RPE65: variants seen among roughly 807,000 people sequenced by gnomAD.
The protein encoded by RPE65 is retinoid isomerohydrolase.
Under a neutral mutation model 68.5 loss-of-function variants are expected in RPE65, and 58 were observed. The observed-to-expected ratio is 0.85, with a 90% CI of 0.69 to 1.05. The LOEUF is 1.05. Ranked by LOEUF, RPE65 falls within the 50% of genes least tolerant of loss-of-function variation. The pLI is 0.00. For synonymous variants in RPE65, 220 were observed against 222.2 expected (o/e 0.99, Z 0.09); for missense variants, 643 against 629.9 (o/e 1.02, Z -0.22).
intron 13 of RPE65, 66 bp downstream of exon 13, chr1:68,430,999 C>A: frequency 3.1e-6 from 4 of 1,283,816 alleles, no homozygotes; most frequent in Non-Finnish European, 4.5e-6. Flanking sequence ...TTACTCCTTT[C>A]CTAACGAACT....
chr1:68,430,658 A>C (rs1278686718), intron 13 of RPE65, among the ~76,000 whole-genome samples: 1 of 152,080 alleles, frequency 6.6e-6, no homozygotes, highest in African/African-American at 2.4e-5. Flanking sequence ...ACAAATGAAA[A>C]CTATTCACAG....
intron 10 of RPE65, among the ~76,000 whole-genome samples, chr1:68,433,764 A>T (rs1244456576): frequency 6.6e-6 from 1 of 152,066 alleles, no homozygotes; most frequent in Middle Eastern, 3.2e-3. Flanking sequence ...ATAAGCATGG[A>T]GGGGGTGGAG....
chr1:68,448,810 G>A, intron 1 of RPE65, 104 bp from the exon 2 acceptor site: 1 of 589,758 alleles, frequency 1.7e-6, no homozygotes, highest in Non-Finnish European at 2.9e-6. Flanking sequence ...CTGGCTCAAA[G>A]CCTGTTCACT....
chr1:68,446,605 G>C lies in RPE65; in HGVS notation c.245+105C>G, dbSNP rs577580683. Reference sequence around the variant, plus strand: ...CAGGTACATTGTGAGAAGAAAGTGGGTATATAGGTTGCCTCCTGAGTTCAG... The same window carrying C: ...CAGGTACATTGTGAGAAGAAAGTGGCTATATAGGTTGCCTCCTGAGTTCAG... On this transcript the variant is annotated intron_variant, in intron 3 of 13. Transcript: ENST00000262340. 3 of 1,299,024 alleles carry C rather than the reference G, an allele frequency of 2.3e-6. No homozygotes were observed. In the Admixed American group the frequency reaches 5.3e-5, roughly 23 times the overall value. The allele number at this position is 1,299,024 out of a possible 1,614,324, so 80.5% of individuals were successfully genotyped here. A position where few individuals can be genotyped will look rare whatever the true frequency, so the allele number is the denominator to read the frequency against.
At chr1:68,447,290 GAT>G (rs1459535345) in intron 2 of RPE65, among the ~76,000 whole-genome samples, 1 of 152,170 alleles carries the variant, frequency 6.6e-6, no homozygotes, top group African/African-American at 2.4e-5. Context: ...ATTTTAAAAA[GAT>G]GTGTCTATAG....
rs753257368 is a variant in RPE65, at chr1:68,440,838, G to A, written c.643+15C>T. The A allele has an allele frequency of 1.1e-5, 17 of 1,613,682 alleles. No homozygotes were observed. The highest frequency in any genetic ancestry group is 1.4e-5 in the Non-Finnish European group (16 of 1,179,728). ...AGACACTTATTTTCAGAAGAGGACA[G>A]ATTGGTAAACTCACCTGCTTGCAGT... is the stretch of plus-strand genomic sequence containing the variant. On this transcript the variant is annotated intron_variant, in intron 6 of 13. Coordinates refer to ENST00000262340, the MANE Select transcript of RPE65 (RefSeq NM_000329.3).
intron 3 of RPE65, 56 bp downstream of exon 3, chr1:68,446,654 G>T: frequency 6.2e-7 from 1 of 1,611,576 alleles, no homozygotes; most frequent in Non-Finnish European, 8.5e-7. Flanking sequence ...CATGGGAGGA[G>T]GAGCCAAGCT....
chr1:68,434,721 G>GTTTT (rs1645848765), intron 10 of RPE65, among the ~76,000 whole-genome samples: 2 of 135,986 alleles, frequency 1.5e-5, no homozygotes, highest in South Asian at 4.2e-4. Flanking sequence ...TAGATTTCCT[G>GTTTT]TTTGTTTGTT....
At chr1:68,434,177 A>T (rs1217982584) in intron 10 of RPE65, among the ~76,000 whole-genome samples, 1 of 151,640 alleles carries the variant, frequency 6.6e-6, no homozygotes, top group African/African-American at 2.4e-5. Flanking sequence ...ATAAAATGAG[A>T]TGAAAACTTA....
intron 13 of RPE65, among the ~76,000 whole-genome samples, chr1:68,430,729 A>G (rs1557595567): frequency 6.6e-6 from 1 of 151,998 alleles, no homozygotes; most frequent in East Asian, 1.9e-4. Context: ...TAGAATTGCT[A>G]TTTTTTTAGA....
intron 5 of RPE65, 44 bp from the exon 6 acceptor site, chr1:68,441,044 T>C (rs767645673): frequency 2.5e-6 from 4 of 1,609,192 alleles, no homozygotes; most frequent in East Asian, 2.2e-5. Flanking sequence ...AGAAGGAAGA[T>C]ACATTATACC....
intron 1 of RPE65, 141 bp downstream of exon 1, chr1:68,449,753 AG>A: frequency 1.1e-6 from 1 of 924,094 alleles, no homozygotes; most frequent in Middle Eastern, 3.0e-4. Flanking sequence ...ATACATAAGC[AG>A]GAAAAAATTT....
chr1:68,431,696 G>GCATGTT, intron 10 of RPE65, 111 bp from the exon 11 acceptor site: 1 of 866,458 alleles, frequency 1.2e-6, no homozygotes, highest in Non-Finnish European at 1.9e-6. Context: ...CAACATGCAG[G>GCATGTT]GAGGAACTGC....
rs748142481 is a variant in RPE65 at position 68,448,606 on chromosome 1, A to G, written c.94+18T>C. ...GACTGACATAAAAGAGGATGGCTTC[A>G]AGATGGGCGAGACCAACCTGTTACA... On this transcript the variant is annotated intron_variant, in intron 2 of 13. Transcript: ENST00000262340. 1 of 1,612,102 alleles carries G rather than the reference A, an allele frequency of 6.2e-7. No homozygotes were observed. Among genetic ancestry groups the G allele is most frequent in the African/African-American group, 1.3e-5 (1 of 74,844 alleles).
chr1:68,440,718 C>T, intron 6 of RPE65, 135 bp downstream of exon 6: 1 of 1,107,078 alleles, frequency 9.0e-7, no homozygotes, highest in South Asian at 1.4e-5. Context: ...GGGATGAGGG[C>T]AGTACTTCTG....
chr1:68,431,838 G>T (rs1472757809), intron 10 of RPE65, among the ~76,000 whole-genome samples: 3 of 151,750 alleles, frequency 2.0e-5, no homozygotes, highest in Non-Finnish European at 4.4e-5. Flanking sequence ...AGTAAAATGA[G>T]ACCATCCTTG....
chr1:68,445,816 C>T (rs1175986587), intron 3 of RPE65, among the ~76,000 whole-genome samples: 3 of 151,954 alleles, frequency 2.0e-5, no homozygotes, highest in East Asian at 3.9e-4. Flanking sequence ...CACACCCGGT[C>T]GCACTTTTAT....
At chr1:68,436,702 G>T (rs34194247) in intron 10 of RPE65, among the ~76,000 whole-genome samples, 5 of 151,668 alleles carry the variant, frequency 3.3e-5, no homozygotes, top group Admixed American at 2.0e-4. Flanking sequence ...TCCCAACCTC[G>T]GGTGATGCAC....
rs768915904 is a variant in RPE65 at position 68,429,797 on chromosome 1, A to G, written c.1581T>C (p.His527=). The G allele has an allele frequency of 3.0e-5, 48 of 1,613,638 alleles. 1 individual carries two copies. The highest frequency in any genetic ancestry group is 3.9e-5 in the Non-Finnish European group (46 of 1,179,752). Residue 527 remains histidine (H), a synonymous_variant, in exon 14 of 14, where the codon CAT becomes CAC. Coordinates refer to ENST00000262340, the MANE Select transcript of RPE65 (RefSeq NM_000329.3). The part of the protein sequence containing the change: ...EVEINIPVTF[H]GLFKKS The stretch of plus-strand genomic sequence containing the variant: ...ATGCTCAAGATTTTTTGAACAGTCC[A>G]TGAAAGGTGACAGGGATGTTAATCT...
Sources: gnomAD v4.1 joint callset for allele counts (sites outside exome capture counted in the v4.1 genomes callset) on GRCh38, gnomAD v4.1.1 for gene constraint, MANE v1.5 for transcripts, NCBI Gene and HGNC (gene_info 2026-07-23, HGNC 2026-07-21) for gene names.